TSPAN7: variants seen among roughly 807,000 people sequenced by gnomAD.
The protein encoded by TSPAN7 is tetraspanin 7, also known as tetraspanin-7.
In TSPAN7, 1 loss-of-function variant was observed where a neutral mutation model predicts 17.6. The ratio of observed to expected loss-of-function variants is 0.06; its 90% CI spans 0.02 to 0.27. The LOEUF (loss-of-function observed/expected upper bound fraction) is 0.27. Among genes scored for constraint, TSPAN7 ranks in the 10% least tolerant of loss-of-function variants. The pLI is 1.00. For missense variants in TSPAN7, 112 were observed against 201.7 expected, an observed-to-expected ratio of 0.56 and a Z score of 2.69; for synonymous variants, 78 against 79.0, an observed-to-expected ratio of 0.99 and a Z score of 0.07.
At chrX:38,566,633 A>G (rs1044447462) in intron 1 of TSPAN7, among the ~76,000 whole-genome samples, 21 of 112,029 alleles carry the variant, frequency 1.9e-4, no homozygotes, top group African/African-American at 6.1e-4. Context: ...GCTTATCCTA[A>G]TGATAGTTCA....
Position 38,614,722 on chromosome X carries a change from G to C in TSPAN7, c.82-51399G>C, listed in dbSNP as rs898153371. 3.6e-5 allele frequency among the ~76,000 whole-genome samples: 4 copies of C among 112,519 alleles called. No homozygotes were observed. In the Admixed American group the frequency reaches 3.7e-4, roughly 11 times the overall value. ...TGGCTGAAGGTCATTCATGGGCACT[G>C]TTGTGCCGTCTATCTGGAGAACAAA... On this transcript the variant is annotated intron_variant, in intron 1 of 7. Transcript: ENST00000378482.
intron 1 of TSPAN7, among the ~76,000 whole-genome samples, chrX:38,571,118 T>C (rs975295252): frequency 9.0e-6 from 1 of 111,638 alleles, no homozygotes; most frequent in African/African-American, 3.3e-5. Context: ...TCTGGAAGAT[T>C]TTCTTTGGTG....
chrX:38,671,275 G>T (rs2069819799), intron 2 of TSPAN7, 101 bp from the exon 3 acceptor site: 1 of 794,055 alleles, frequency 1.3e-6, no homozygotes, highest in Non-Finnish European at 1.9e-6. Context: ...GGGAGTGTGA[G>T]GACTTGTCTA....
At chrX:38,630,500 G>C (rs768738245) in intron 1 of TSPAN7, among the ~76,000 whole-genome samples, 32 of 111,661 alleles carry the variant, frequency 2.9e-4, no homozygotes, top group Non-Finnish European at 5.7e-4. Flanking sequence ...ACATTGGTAA[G>C]TCCAGGTAAA....
At chrX:38,632,243 A>T (rs768685083) in intron 1 of TSPAN7, among the ~76,000 whole-genome samples, 19 of 112,074 alleles carry the variant, frequency 1.7e-4, no homozygotes, top group South Asian at 1.1e-3. Flanking sequence ...CTAATTGGTA[A>T]AATTCTCCTG....
chrX:38,644,221 G>A (rs1385936901), intron 1 of TSPAN7, among the ~76,000 whole-genome samples: 2 of 111,968 alleles, frequency 1.8e-5, no homozygotes, highest in Non-Finnish European at 3.8e-5. Context: ...ACATTTTGCT[G>A]AGAAGTGCTG....
At chrX:38,577,417 G>T (rs1365043697) in intron 1 of TSPAN7, among the ~76,000 whole-genome samples, 3 of 110,301 alleles carry the variant, frequency 2.7e-5, no homozygotes, top group Non-Finnish European at 5.7e-5. Context: ...TTTGTTTGTT[G>T]GGTGTTCAGT....
At chrX:38,644,550 G>A (rs1282276878) in intron 1 of TSPAN7, among the ~76,000 whole-genome samples, 4 of 111,538 alleles carry the variant, frequency 3.6e-5, no homozygotes, top group African/African-American at 1.3e-4. Flanking sequence ...CTCAACCCCC[G>A]TCTGTAATAG....
chrX:38,622,857 A>G (rs1391880320), intron 1 of TSPAN7: 3 of 330,356 alleles, frequency 9.1e-6, no homozygotes, highest in Non-Finnish European at 1.8e-5. Flanking sequence ...CTGCAAAATG[A>G]TATGCAAATA....
At chrX:38,682,186 AT>A (rs2069897455) in intron 6 of TSPAN7, among the ~76,000 whole-genome samples, 1 of 92,769 alleles carries the variant, frequency 1.1e-5, no homozygotes, top group African/African-American at 7.7e-5. Context: ...ATTTTTTATT[AT>A]TTTTTTATTT....
chrX:38,656,427 G>A (rs1456890678), intron 1 of TSPAN7, among the ~76,000 whole-genome samples: 1 of 111,669 alleles, frequency 9.0e-6, no homozygotes. Flanking sequence ...AGCAAGGGAA[G>A]GGGTTTCTTG....
intron 5 of TSPAN7, among the ~76,000 whole-genome samples, chrX:38,677,526 G>A (rs2069862216): frequency 8.9e-6 from 1 of 111,761 alleles, no homozygotes; most frequent in African/African-American, 3.3e-5. Context: ...TCCAGAAAGA[G>A]AGATGGGGTC....
intron 1 of TSPAN7, 73 bp downstream of exon 1, chrX:38,561,700 G>A: frequency 1.0e-6 from 1 of 963,755 alleles, no homozygotes; most frequent in Admixed American, 2.3e-5. Context: ...GAGAAAAGAA[G>A]TGGGGAGGAA....
chrX:38,676,397 A>G (rs763081155), intron 5 of TSPAN7, among the ~76,000 whole-genome samples: 2 of 111,565 alleles, frequency 1.8e-5, no homozygotes, highest in Non-Finnish European at 3.8e-5. Context: ...GAGAGGGGAA[A>G]AAAGAGGACT....
intron 1 of TSPAN7, among the ~76,000 whole-genome samples, chrX:38,625,213 A>T (rs941453287): frequency 1.8e-5 from 2 of 110,913 alleles, no homozygotes; most frequent in African/African-American, 6.6e-5. Context: ...AAATCCTAAG[A>T]TCAGCTCACC....
At chrX:38,576,082 T>C (rs1253483908) in intron 1 of TSPAN7, among the ~76,000 whole-genome samples, 6 of 112,080 alleles carry the variant, frequency 5.4e-5, no homozygotes, top group Non-Finnish European at 1.1e-4. Flanking sequence ...ACCTTTGCCA[T>C]TGTAGTGTGA....
At chrX:38,629,456 G>A (rs2069538452) in intron 1 of TSPAN7, among the ~76,000 whole-genome samples, 1 of 112,266 alleles carries the variant, frequency 8.9e-6, no homozygotes, top group Non-Finnish European at 1.9e-5. Context: ...GGAAGAAAAC[G>A]TGTTGAGAAC....
chrX:38,681,135 T>G, intron 5 of TSPAN7, 69 bp from the exon 6 acceptor site: 1 of 890,771 alleles, frequency 1.1e-6, no homozygotes. Flanking sequence ...TGGGAGTGTT[T>G]CGAGTACACA....
chrX:38,653,983 C>A (rs894871164), intron 1 of TSPAN7, among the ~76,000 whole-genome samples: 1 of 111,670 alleles, frequency 9.0e-6, no homozygotes, highest in Non-Finnish European at 1.9e-5. Flanking sequence ...CAGCCAAATT[C>A]TCAGGGTTGA....
Sources: gnomAD v4.1 joint callset for allele counts (sites outside exome capture counted in the v4.1 genomes callset) on GRCh38, gnomAD v4.1.1 for gene constraint, MANE v1.5 for transcripts, NCBI Gene and HGNC (gene_info 2026-07-23, HGNC 2026-07-21) for gene names.